MAP4: variants seen among roughly 807,000 people sequenced by gnomAD.
MAP4 encodes microtubule associated protein 4.
In MAP4, 76 loss-of-function variants were observed where a neutral mutation model predicts 170.2. That is an observed-to-expected ratio of 0.45 (90% CI 0.37 to 0.54). MAP4 has a LOEUF of 0.54. MAP4 is among the 20% of genes least tolerant of loss of function. The pLI is 0.00. For missense variants in MAP4, 2,506 were observed against 2,748.0 expected (o/e 0.91, Z 1.97); for synonymous variants, 909 against 994.5 (o/e 0.91, Z 1.62).
chr3:47,869,442 C>G lies in MAP4; in HGVS notation c.6295-115G>C, dbSNP rs1007570748. ...TCCAGGTCAGGCCACCAGGCAAAAG[C>G]AGGTGGCCTTTGATCCTAGGCAAAA... On this transcript the variant is annotated intron_variant, in intron 15 of 20. Coordinates refer to ENST00000683076, the MANE Select transcript of MAP4 (RefSeq NM_001385682.1). 10 of 706,450 alleles carry G rather than the reference C, an allele frequency of 1.4e-5. No homozygotes were observed. In the African/African-American group the frequency reaches 1.6e-4, roughly 11 times the overall value. 43.8% of individuals were successfully genotyped at this position (706,450 alleles called of 1,614,324 possible). A position where few individuals can be genotyped will look rare whatever the true frequency, so the allele number is the denominator to read the frequency against.
At chr3:47,969,509 A>C (rs547735019) in intron 3 of MAP4, among the ~76,000 whole-genome samples, 2 of 152,300 alleles carry the variant, frequency 1.3e-5, no homozygotes, top group East Asian at 3.9e-4. Context: ...CTCTATGGTA[A>C]GGCATAAGCA....
chr3:48,041,421 A>C (rs1240155048), intron 1 of MAP4, among the ~76,000 whole-genome samples: 1 of 151,964 alleles, frequency 6.6e-6, no homozygotes, highest in Admixed American at 6.6e-5. Context: ...TGAAGTGAAC[A>C]ATTTATACTC....
rs113930727 is a variant in MAP4 at position 47,883,926 on chromosome 3, G to A, written c.5435-6403C>T. Among the ~76,000 whole-genome samples, 1,355 of 151,564 alleles carry A rather than the reference G, an allele frequency of 8.9e-3. 20 individuals carry two copies. Among genetic ancestry groups the A allele is most frequent in the African/African-American group, 0.031 (1,283 of 41,344 alleles). ...CTCTTTGCTTTTTTTACAGATTTTTGTCTTTAGTTTATAAAAGTTTAATTA... is the reference window on the plus strand; with the variant it reads ...CTCTTTGCTTTTTTTACAGATTTTTATCTTTAGTTTATAAAAGTTTAATTA... On this transcript the variant is annotated intron_variant, in intron 10 of 20. Transcript: ENST00000683076.
At chr3:47,997,528 C>T (rs1398494216) in intron 2 of MAP4, among the ~76,000 whole-genome samples, 2 of 151,336 alleles carry the variant, frequency 1.3e-5, no homozygotes, top group Non-Finnish European at 2.9e-5. Context: ...CAGATCAAAA[C>T]CTGATTTAAG....
intron 5 of MAP4, among the ~76,000 whole-genome samples, chr3:47,920,546 T>G (rs2100042271): frequency 2.2e-4 from 1 of 4,542 alleles, no homozygotes; most frequent in Non-Finnish European, 7.8e-4. Context: ...CCCAGATGGT[T>G]TTTTTTTTTT....
At chr3:48,041,098 A>C (rs940433020) in intron 1 of MAP4, among the ~76,000 whole-genome samples, 1 of 152,214 alleles carries the variant, frequency 6.6e-6, no homozygotes, top group East Asian at 1.9e-4. Context: ...AAAAATACTT[A>C]AAAGAAGTGA....
At chr3:47,995,840 G>A (rs953311313) in intron 2 of MAP4, among the ~76,000 whole-genome samples, 1 of 152,164 alleles carries the variant, frequency 6.6e-6, no homozygotes, top group African/African-American at 2.4e-5. Context: ...CAGCTCTCCT[G>A]TATCAGAGCA....
Position 47,909,378 on chromosome 3 carries a change from T to G in MAP4, c.5043A>C (p.Glu1681Asp), listed in dbSNP as rs761652987. 92 of 1,613,818 alleles carry G rather than the reference T, an allele frequency of 5.7e-5. No homozygotes were observed. Among genetic ancestry groups the G allele is most frequent in the Non-Finnish European group, 7.3e-5 (86 of 1,179,836 alleles). ...GTGTTGGCAAGGAAACGCTTTCCAATTCCGTGATTTTACAAGCCAGACTAA... is the reference window on the plus strand; with the variant it reads ...GTGTTGGCAAGGAAACGCTTTCCAAGTCCGTGATTTTACAAGCCAGACTAA... ...KEISLACKITELESVSLPTPE... is the reference protein window; with the variant it reads ...KEISLACKITDLESVSLPTPE... The change falls in exon 9 of 21, where the codon GAA (glutamate) becomes GAC (aspartate). Residue 1681 changes from glutamate (E) to aspartate (D), a missense_variant. Around this residue, in one of 3 missense-constraint regions of MAP4, gnomAD observed 2,008 missense variants for 2,206.0 expected, o/e 0.91. Coordinates refer to ENST00000683076, the MANE Select transcript of MAP4 (RefSeq NM_001385682.1).
At chr3:47,925,252 T>C (rs375180401) in intron 4 of MAP4, among the ~76,000 whole-genome samples, 39 of 152,326 alleles carry the variant, frequency 2.6e-4, no homozygotes, top group East Asian at 1.3e-3. Context: ...GCAGGGATCA[T>C]TGGACGCCAT....
intron 3 of MAP4, among the ~76,000 whole-genome samples, chr3:47,930,475 C>CA (rs1052102394): frequency 8.7e-5 from 13 of 149,286 alleles, no homozygotes; most frequent in Admixed American, 4.7e-4. Context: ...AACAAACAAA[C>CA]AAAAAAAACA....
In MAP4 at chr3:47,909,317, C is replaced by T. The variant is rs774794013; in HGVS notation, c.5104G>A (p.Glu1702Lys). Residue 1702 changes from glutamate to lysine, a missense_variant, in exon 9 of 21, where the codon GAA (glutamate) becomes AAA (lysine). Physicochemically the swap from Glu to Lys is moderately conservative, Grantham distance 56 (BLOSUM62 1). Transcript: ENST00000683076. ...IQSDFLHSKV[E>K]APPSEVADTL... Reference sequence around the variant, plus strand: ...TCCGCCACCTCTGAAGGAGGAGCTTCGACTTTGCTATGTAAGAAATCTGAC... The same window carrying T: ...TCCGCCACCTCTGAAGGAGGAGCTTTGACTTTGCTATGTAAGAAATCTGAC... 3 of 1,613,872 alleles carry T rather than the reference C, an allele frequency of 1.9e-6. No homozygotes were observed. Among genetic ancestry groups the T allele is most frequent in the Non-Finnish European group, 2.5e-6 (3 of 1,179,854 alleles).
At chr3:47,864,569 C>G (rs1348984313) in intron 17 of MAP4, among the ~76,000 whole-genome samples, 1 of 152,098 alleles carries the variant, frequency 6.6e-6, no homozygotes, top group Admixed American at 6.5e-5. Context: ...CCCAGCTACT[C>G]GGGAGGCTGA....
At chr3:47,901,255 GTC>G (rs1277035523) in intron 10 of MAP4, among the ~76,000 whole-genome samples, 3 of 152,232 alleles carry the variant, frequency 2.0e-5, no homozygotes, top group South Asian at 2.1e-4. Context: ...GAGGAAAACT[GTC>G]TGTTTTCCAC....
intron 1 of MAP4, among the ~76,000 whole-genome samples, chr3:48,027,673 C>T (rs2100113815): frequency 6.6e-6 from 1 of 151,886 alleles, no homozygotes; most frequent in South Asian, 2.1e-4. Flanking sequence ...AGTGAAACTC[C>T]GTGTCTACAA....
At chr3:47,976,461 C>T (rs2100082242) in intron 3 of MAP4, among the ~76,000 whole-genome samples, 1 of 152,220 alleles carries the variant, frequency 6.6e-6, no homozygotes, top group East Asian at 1.9e-4. Flanking sequence ...CTAATCAAGT[C>T]AATCCCCTCC....
chr3:48,069,183 A>G (rs537715207), intron 1 of MAP4, among the ~76,000 whole-genome samples: 2 of 152,330 alleles, frequency 1.3e-5, no homozygotes, highest in South Asian at 2.1e-4. Context: ...CCAATTTGCC[A>G]TCTATATAAC....
chr3:48,001,071 T>C (rs1157531772), intron 1 of MAP4, among the ~76,000 whole-genome samples: 1 of 151,828 alleles, frequency 6.6e-6, no homozygotes, highest in Non-Finnish European at 1.5e-5. Flanking sequence ...AAGCAAAGGG[T>C]GTTGCTATAT....
At chr3:47,998,214 A>C (rs2100097045) in intron 2 of MAP4, among the ~76,000 whole-genome samples, 1 of 152,170 alleles carries the variant, frequency 6.6e-6, no homozygotes, top group East Asian at 1.9e-4. Context: ...GAAAATGGCA[A>C]ATTTCTCTTA....
intron 2 of MAP4, among the ~76,000 whole-genome samples, chr3:47,991,359 G>A (rs1337053260): frequency 6.6e-6 from 1 of 152,128 alleles, no homozygotes; most frequent in Non-Finnish European, 1.5e-5. Flanking sequence ...GCCTAACTAA[G>A]CCTGTTGTAA....
Sources: allele counts gnomAD v4.1 joint callset (sites outside exome capture counted in the v4.1 genomes callset), GRCh38; gene constraint gnomAD v4.1.1; regional missense constraint gnomAD v4.1.1; transcripts MANE v1.5; gene names NCBI Gene and HGNC (gene_info 2026-07-23, HGNC 2026-07-21).